Variants in NXPE3 observed in about 807,000 individuals in gnomAD.
The protein encoded by NXPE3 is NXPE family member 3.
NXPE3 carries 26 observed loss-of-function variants against 46.1 expected under a neutral mutation model. The observed-to-expected ratio is 0.56, with a 90% CI of 0.41 to 0.78. The LOEUF is 0.78. Ranked by LOEUF, NXPE3 falls within the 30% of genes least tolerant of loss-of-function variation. The pLI is 0.00. For missense variants in NXPE3, 620 were observed against 686.0 expected, an observed-to-expected ratio of 0.90 and a Z score of 1.07; for synonymous variants, 272 against 257.9, an observed-to-expected ratio of 1.05 and a Z score of -0.52.
Position 101,779,226 on chromosome 3 carries a change from G to A in NXPE3, c.-596G>A, listed in dbSNP as rs1215343146. 6.6e-6 allele frequency: 1 copy of A among 152,274 alleles called. No individual in the cohort carries two copies. The highest frequency in any genetic ancestry group is 2.1e-4 in the South Asian group (1 of 4,840). The allele number at this position is 152,274 out of a possible 1,614,324, so 9.4% of individuals were successfully genotyped here. ...GGTCGGAGGTGAGGAGACGTCGCCG[G>A]GTGAGGAAGCGGGGGGCTAGCGGCC... On this transcript the variant is annotated 5_prime_UTR_variant, in exon 1 of 8. Coordinates refer to ENST00000273347, the MANE Select transcript of NXPE3 (RefSeq NM_145037.4).
intron 3 of NXPE3, among the ~76,000 whole-genome samples, chr3:101,784,853 A>T (rs1215450318): frequency 6.6e-6 from 1 of 152,134 alleles, no homozygotes; most frequent in African/African-American, 2.4e-5. Flanking sequence ...TCAGGACCAC[A>T]TATGTGGTGG....
chr3:101,814,136 G>C (rs1020071794), intron 6 of NXPE3, among the ~76,000 whole-genome samples: 3 of 152,106 alleles, frequency 2.0e-5, no homozygotes, highest in Non-Finnish European at 4.4e-5. Flanking sequence ...CGAGTCTACC[G>C]AATTAACAGT....
At position 101,816,909 on chromosome 3, in the gene NXPE3, A is replaced by C; in HGVS notation, c.1037A>C (p.Asn346Thr). The C allele has an allele frequency of 6.2e-7, 1 of 1,614,168 alleles. No individual in the cohort carries two copies. The highest frequency in any genetic ancestry group is 1.1e-5 in the South Asian group (1 of 91,080). ...FKMRQFNDPDNITECLQRKVV... is the reference protein window; with the variant it reads ...FKMRQFNDPDTITECLQRKVV... ...ATGCGTCAGTTTAATGACCCTGACAACATTACAGAGTGCTTACAAAGAAAA... is the reference window on the plus strand; with the variant it reads ...ATGCGTCAGTTTAATGACCCTGACACCATTACAGAGTGCTTACAAAGAAAA... Residue 346 changes from asparagine (N) to threonine (T), a missense_variant, in exon 7 of 8, where the codon AAC becomes ACC. Coordinates refer to ENST00000273347, the MANE Select transcript of NXPE3 (RefSeq NM_145037.4).
intron 4 of NXPE3, among the ~76,000 whole-genome samples, chr3:101,795,811 G>C (rs141323460): frequency 1.3e-5 from 2 of 152,234 alleles, no homozygotes; most frequent in African/African-American, 4.8e-5. Context: ...TTGGGAATCA[G>C]CCTCTGTTTG....
intron 7 of NXPE3, among the ~76,000 whole-genome samples, chr3:101,819,399 A>G (rs1942145816): frequency 6.6e-6 from 1 of 152,176 alleles, no homozygotes; most frequent in South Asian, 2.1e-4. Context: ...CTTGAAATAC[A>G]ACTTAGAGGG....
chr3:101,809,338 C>T (rs761883980), intron 6 of NXPE3, among the ~76,000 whole-genome samples: 1 of 152,112 alleles, frequency 6.6e-6, no homozygotes, highest in Non-Finnish European at 1.5e-5. Flanking sequence ...ATGGAAGGAA[C>T]CCAGCTTGGC....
intron 4 of NXPE3, among the ~76,000 whole-genome samples, chr3:101,787,584 G>T (rs899755610): frequency 2.0e-5 from 3 of 152,246 alleles, no homozygotes; most frequent in African/African-American, 7.2e-5. Flanking sequence ...GGGATCACAG[G>T]TGTGAGCCAT....
intron 4 of NXPE3, among the ~76,000 whole-genome samples, chr3:101,800,741 G>A (rs890215629): frequency 2.0e-5 from 3 of 151,066 alleles, no homozygotes; most frequent in Non-Finnish European, 4.4e-5. Context: ...TTATTATTAT[G>A]TAATGACCCT....
At chr3:101,803,477 A>G (rs989962896) in intron 5 of NXPE3, among the ~76,000 whole-genome samples, 4 of 152,252 alleles carry the variant, frequency 2.6e-5, no homozygotes, top group African/African-American at 9.6e-5. Flanking sequence ...TCCTCAAAAC[A>G]AAACCAAAAC....
chr3:101,812,643 TC>T (rs1388549427), intron 6 of NXPE3, among the ~76,000 whole-genome samples: 1 of 151,608 alleles, frequency 6.6e-6, no homozygotes, highest in East Asian at 1.9e-4. Context: ...AAACCCCATC[TC>T]TACTAAAAAT....
chr3:101,810,845 T>C (rs865991814), intron 6 of NXPE3, among the ~76,000 whole-genome samples: 1 of 152,142 alleles, frequency 6.6e-6, no homozygotes, highest in African/African-American at 2.4e-5. Flanking sequence ...TTGTTTGTTT[T>C]TGAGACAGAG....
At chr3:101,820,765 C>T (rs774336520) in intron 7 of NXPE3, among the ~76,000 whole-genome samples, 2 of 152,162 alleles carry the variant, frequency 1.3e-5, no homozygotes, top group Admixed American at 6.5e-5. Context: ...AGCAAACTAA[C>T]ACAGGAACAG....
At chr3:101,809,401 TA>T (rs1193945119) in intron 6 of NXPE3, among the ~76,000 whole-genome samples, 1 of 152,188 alleles carries the variant, frequency 6.6e-6, no homozygotes, top group African/African-American at 2.4e-5. Flanking sequence ...TCAAAGACCC[TA>T]AATCAAGGGC....
chr3:101,784,353 C>T lies in NXPE3; in HGVS notation c.-195-1049C>T, dbSNP rs77514793. Among the ~76,000 whole-genome samples the T allele has an allele frequency of 3.0e-3, 451 of 152,222 alleles. 3 individuals carry two copies. Among genetic ancestry groups the T allele is most frequent in the African/African-American group, 0.011 (436 of 41,524 alleles). On this transcript the variant is annotated intron_variant, in intron 3 of 7. Coordinates refer to ENST00000273347, the MANE Select transcript of NXPE3 (RefSeq NM_145037.4). ...GAAAATAATAAGTGCTATGGGAACT[C>T]TGAGGATGGAGAGCTTGTTGGAATG...
At position 101,808,838 on chromosome 3, in the gene NXPE3, T is replaced by G. The variant is rs913972580; in HGVS notation, c.922+1712T>G. ...TAGAGGATATATATATATATATATA[T>G]ATATATATATATATATATGAGACAT... On this transcript the variant is annotated intron_variant, in intron 6 of 7. Transcript: ENST00000273347. Among the ~76,000 whole-genome samples, 3 of 119,006 alleles carry G rather than the reference T, an allele frequency of 2.5e-5. 1 individual carries two copies. The highest frequency in any genetic ancestry group is 4.8e-4 in the East Asian group (2 of 4,166). The allele number at this position is 119,006 out of a possible 152,430, so 78.1% of individuals were successfully genotyped here.
At chr3:101,811,856 C>T (rs1367076358) in intron 6 of NXPE3, among the ~76,000 whole-genome samples, 1 of 150,354 alleles carries the variant, frequency 6.7e-6, no homozygotes, top group African/African-American at 2.4e-5. Flanking sequence ...GCCTCAGCTT[C>T]CCAAGTAGCT....
At chr3:101,790,798 A>G (rs898102655) in intron 4 of NXPE3, among the ~76,000 whole-genome samples, 3 of 151,938 alleles carry the variant, frequency 2.0e-5, no homozygotes, top group South Asian at 2.1e-4. Context: ...GTTTCGCCAC[A>G]TTGCCCAGGC....
intron 6 of NXPE3, among the ~76,000 whole-genome samples, chr3:101,814,358 C>T (rs1941869848): frequency 6.6e-6 from 1 of 152,182 alleles, no homozygotes; most frequent in Non-Finnish European, 1.5e-5. Context: ...GAAATGTTTA[C>T]CCTACATGCC....
At chr3:101,781,099 A>G (rs1433138780) in intron 1 of NXPE3, among the ~76,000 whole-genome samples, 2 of 152,210 alleles carry the variant, frequency 1.3e-5, no homozygotes, top group African/African-American at 4.8e-5. Flanking sequence ...ATTTAAGTGT[A>G]GATATTTTCC....
Sources: allele counts gnomAD v4.1 joint callset (sites outside exome capture counted in the v4.1 genomes callset), GRCh38; gene constraint gnomAD v4.1.1; transcripts MANE v1.5; gene names NCBI Gene and HGNC (gene_info 2026-07-23, HGNC 2026-07-21).